The following SERPINA10 variants were observed in gnomAD, a reference collection of about 807,000 sequenced individuals.
SERPINA10 encodes serpin family A member 10, also known as protein Z-dependent protease inhibitor.
Under a neutral mutation model 28.0 loss-of-function variants are expected in SERPINA10, and 24 were observed. The observed-to-expected ratio is 0.86, with a 90% confidence interval of 0.62 to 1.20. The LOEUF (loss-of-function observed/expected upper bound fraction) is 1.20. SERPINA10 is among the 50% of genes most tolerant of loss of function. The pLI, the probability that SERPINA10 is intolerant of heterozygous loss-of-function variation, is 0.00. For synonymous variants in SERPINA10, 207 were observed against 203.9 expected (o/e 1.02, Z -0.13); for missense variants, 521 against 537.7 (o/e 0.97, Z 0.31).
chr14:94,283,973 G>A lies in SERPINA10; in HGVS notation c.1327C>T (p.Leu443Phe), dbSNP rs1424048020. Reference sequence around the variant, plus strand: ...CTTATGCGTGTCCTGAATTATAGGAGAGTCGGATTCACCACCCTGCCCAGA... The same window carrying A: ...CTTATGCGTGTCCTGAATTATAGGAAAGTCGGATTCACCACCCTGCCCAGA... Reference protein sequence around the residue: ...LFLGRVVNPTLL With the variant: ...LFLGRVVNPTFL The change falls in exon 5 of 5, where the codon CTC becomes TTC. Residue 443 changes from leucine to phenylalanine, a missense_variant. By Grantham distance (22) the Leu-to-Phe change is conservative. Transcript: ENST00000261994. The A allele has an allele frequency of 6.2e-7, 1 of 1,614,010 alleles. No individual in the cohort carries two copies. The highest frequency in any genetic ancestry group is 1.7e-5 in the Admixed American group (1 of 60,016).
chr14:94,290,051 T>C lies in SERPINA10; in HGVS notation c.543A>G (p.Leu181=), dbSNP rs374100149. The C allele has an allele frequency of 2.1e-4, 340 of 1,614,102 alleles. No homozygotes were observed. The highest frequency in any genetic ancestry group is 2.7e-4 in the Non-Finnish European group (320 of 1,180,042). Residue 181 remains leucine, a synonymous_variant, in exon 2 of 5, where the codon TTA becomes TTG. Transcript: ENST00000261994. ...ACTCTGTATCAAAATACCTCTTGGA[T>C]AAATTGAAGAAAGTCTCTTTGACAT... ...DFDVKETFFN[L]SKRYFDTECV...
chr14:94,288,243 A>C (rs1440906272), intron 3 of SERPINA10, 43 bp downstream of exon 3: 1 of 1,611,484 alleles, frequency 6.2e-7, no homozygotes, highest in Admixed American at 1.7e-5. Context: ...GTTTGCCAGT[A>C]CAGAAAGGTA....
rs746971041 is a variant in SERPINA10 at position 94,288,536 on chromosome 14, G to A, written c.742C>T (p.Pro248Ser). 99 of 1,613,972 alleles carry A rather than the reference G, an allele frequency of 6.1e-5. No homozygotes were observed. The highest frequency in any genetic ancestry group is 7.7e-5 in the Non-Finnish European group (91 of 1,180,030). ...FKGKWLTPFDPVFTEVDTFHL... is the reference protein window; with the variant it reads ...FKGKWLTPFDSVFTEVDTFHL... ...AAAGTGTCGACTTCGGTGAAGACAG[G>A]GTCAAATGGGGTCAACCATTTCCCT... Residue 248 changes from proline (P) to serine (S), a missense_variant, in exon 3 of 5, where the codon CCT becomes TCT. Transcript: ENST00000261994.
chr14:94,292,533 T>C, intron 1 of SERPINA10: 1 of 697,022 alleles, frequency 1.4e-6, no homozygotes, highest in Non-Finnish European at 2.6e-6. Context: ...TCAAGGTTAC[T>C]TCTCCCTGTA....
intron 4 of SERPINA10, among the ~76,000 whole-genome samples, chr14:94,284,850 A>G (rs1894982515): frequency 6.6e-6 from 1 of 152,254 alleles, no homozygotes; most frequent in Non-Finnish European, 1.5e-5. Flanking sequence ...TTCCTAGAGG[A>G]AAATTAATTC....
chr14:94,284,202 A>G (rs777681758), intron 4 of SERPINA10, 46 bp from the exon 5 acceptor site: 2 of 1,545,018 alleles, frequency 1.3e-6, no homozygotes, highest in South Asian at 2.2e-5. Flanking sequence ...TGGCAGTGCA[A>G]AGGAGGAATT....
In SERPINA10 at chr14:94,289,953, C is replaced by T. The variant is rs145668993; in HGVS notation, c.641G>A (p.Arg214Gln). 4.1e-5 allele frequency: 66 copies of T among 1,614,140 alleles called. No individual in the cohort carries two copies. The highest frequency in any genetic ancestry group is 3.4e-4 in the South Asian group (31 of 91,082). Reference protein sequence around the residue: ...LMNHYINKETRGKIPKLFDEI... With the variant: ...LMNHYINKETQGKIPKLFDEI... Reference sequence around the variant, plus strand: ...ATCAAACAGTTTGGGAATTTTCCCCCGAGTCTCTTTGTTAATGTAATGATT... The same window carrying T: ...ATCAAACAGTTTGGGAATTTTCCCCTGAGTCTCTTTGTTAATGTAATGATT... The change falls in exon 2 of 5, where the codon CGG becomes CAG. Residue 214 changes from arginine (R) to glutamine (Q), a missense_variant. Physicochemically the swap from Arg to Gln is conservative, Grantham distance 43. Transcript: ENST00000261994.
Position 94,282,736 on chromosome 14 carries a change from G to A in SERPINA10, c.*1229C>T, listed in dbSNP as rs974237584. 2.6e-5 allele frequency: 4 copies of A among 152,160 alleles called. No homozygotes were observed. Among genetic ancestry groups the A allele is most frequent in the African/African-American group, 9.7e-5 (4 of 41,428 alleles). 9.4% of individuals were successfully genotyped at this position (152,160 alleles called of 1,614,324 possible). On this transcript the variant is annotated 3_prime_UTR_variant, in exon 5 of 5. Transcript: ENST00000261994. ...GTGTTTTGCTTATTGCCATATGCTA[G>A]ACATATAACTTTGAAGCTAGATATG...
At position 94,288,350 on chromosome 14, in the gene SERPINA10, G is replaced by A; in HGVS notation, c.928C>T (p.Leu310Phe). The change falls in exon 3 of 5, where the codon CTC (leucine) becomes TTC (phenylalanine). Residue 310 changes from leucine (L) to phenylalanine (F), a missense_variant. Physicochemically the swap from Leu to Phe is conservative, Grantham distance 22. Transcript: ENST00000261994. ...VVLMEKMGDH[L>F]ALEDYLTTDL... ...GTGGTCAGGTAGTCTTCAAGGGCGA[G>A]GTGGTCACCCATTTTCTCCATGAGG... is the stretch of plus-strand genomic sequence containing the variant. The A allele has an allele frequency of 6.2e-7, 1 of 1,614,164 alleles. No homozygotes were observed. Among genetic ancestry groups the A allele is most frequent in the Non-Finnish European group, 8.5e-7 (1 of 1,180,036 alleles).
chr14:94,289,004 G>A (rs1205198078), intron 2 of SERPINA10, among the ~76,000 whole-genome samples: 1 of 152,188 alleles, frequency 6.6e-6, no homozygotes, highest in East Asian at 1.9e-4. Context: ...AAGGTGGCAG[G>A]AGTGACACTT....
At chr14:94,289,783 G>A (rs1417493216) in intron 2 of SERPINA10, 93 bp downstream of exon 2, 7 of 1,304,328 alleles carry the variant, frequency 5.4e-6, no homozygotes, top group Admixed American at 1.7e-5. Flanking sequence ...AGAAAATCAC[G>A]TAGCGTTAAT....
In SERPINA10 at chr14:94,290,413, T is replaced by C. The variant is rs941591; in HGVS notation, c.181A>G (p.Ser61Gly). ...ATCAGCCAGGCTTTCTCTTCCTCAC[T>C]GGCCTTCTCCTCGCTGGCCTCCTGC... is the stretch of plus-strand genomic sequence containing the variant. ...DEQEASEEKA[S>G]EEEKAWLMAS... is the part of the protein sequence containing the mutation. Residue 61 changes from serine to glycine, a missense_variant, in exon 2 of 5, where the codon AGT becomes GGT. Ser to Gly is a moderately conservative substitution (Grantham distance 56, BLOSUM62 0). Coordinates refer to ENST00000261994, the MANE Select transcript of SERPINA10 (RefSeq NM_001100607.3). 317,305 of 1,613,816 alleles carry C rather than the reference T, an allele frequency of 0.2. 37,756 individuals carry two copies. The highest frequency in any genetic ancestry group is 0.59 in the East Asian group (26,348 of 44,844).
At chr14:94,291,202 A>G (rs991994652) in intron 1 of SERPINA10, among the ~76,000 whole-genome samples, 17 of 152,306 alleles carry the variant, frequency 1.1e-4, no homozygotes, top group African/African-American at 3.4e-4. Flanking sequence ...CACCTCTGCT[A>G]CACAGTTCCT....
rs774186114 is a variant in SERPINA10, at chr14:94,290,416, C to T, written c.178G>A (p.Ala60Thr). 3 of 1,613,938 alleles carry T rather than the reference C, an allele frequency of 1.9e-6. No individual in the cohort carries two copies. The African/African-American group carries it at 4.0e-5, about 22-fold the overall frequency. ...AGCCAGGCTTTCTCTTCCTCACTGGCCTTCTCCTCGCTGGCCTCCTGCTCA... is the reference window on the plus strand; with the variant it reads ...AGCCAGGCTTTCTCTTCCTCACTGGTCTTCTCCTCGCTGGCCTCCTGCTCA... ...EDEQEASEEK[A>T]SEEEKAWLMA... is the part of the protein sequence containing the mutation. The change falls in exon 2 of 5, where the codon GCC becomes ACC. Residue 60 changes from alanine to threonine, a missense_variant. Transcript: ENST00000261994.
chr14:94,288,056 T>C (rs1895066832), intron 3 of SERPINA10, among the ~76,000 whole-genome samples: 1 of 152,194 alleles, frequency 6.6e-6, no homozygotes, highest in Non-Finnish European at 1.5e-5. Flanking sequence ...CATATATTTA[T>C]CACAGTCGCA....
Position 94,286,112 on chromosome 14 carries a change from G to T in SERPINA10, c.1139C>A (p.Ser380Tyr). The T allele has an allele frequency of 6.2e-7, 1 of 1,614,100 alleles. No homozygotes were observed. Among genetic ancestry groups the T allele is most frequent in the Non-Finnish European group, 8.5e-7 (1 of 1,179,996 alleles). ...LSATGRNLQV[S>Y]RVLQRTVIEV... Reference sequence around the variant, plus strand: ...TGATGAAAGATCCTGACTTACCCTGGATACTTGGAGATTTCTTCCAGTAGC... The same window carrying T: ...TGATGAAAGATCCTGACTTACCCTGTATACTTGGAGATTTCTTCCAGTAGC... The change falls in exon 4 of 5, where the codon TCC (serine) becomes TAC (tyrosine). Residue 380 changes from serine to tyrosine, a missense_variant. By Grantham distance (144) the Ser-to-Tyr change is moderately radical. Coordinates refer to ENST00000261994, the MANE Select transcript of SERPINA10 (RefSeq NM_001100607.3).
chr14:94,283,968 T>C lies in SERPINA10; in HGVS notation c.1332A>G (p.Leu444=), dbSNP rs1894957425. 1 of 1,614,002 alleles carries C rather than the reference T, an allele frequency of 6.2e-7. No individual in the cohort carries two copies. The highest frequency in any genetic ancestry group is 1.3e-5 in the African/African-American group (1 of 75,060). ...FLGRVVNPTL[L] ...AAGTGCTTATGCGTGTCCTGAATTA[T>C]AGGAGAGTCGGATTCACCACCCTGC... The change falls in exon 5 of 5, where the codon CTA becomes CTG. Residue 444 remains leucine, a synonymous_variant. Transcript: ENST00000261994.
Position 94,290,498 on chromosome 14 carries a change from T to G in SERPINA10, c.96A>C (p.Pro32=). ...LAPSPQSPET[P]APQNQTSRVV... Reference sequence around the variant, plus strand: ...CCCTGCTGGTCTGGTTCTGAGGGGCTGGGGTCTCTGGCGACTGAGGACTGG... The same window carrying G: ...CCCTGCTGGTCTGGTTCTGAGGGGCGGGGGTCTCTGGCGACTGAGGACTGG... Residue 32 remains proline (P), a synonymous_variant, in exon 2 of 5, where the codon CCA becomes CCC. Transcript: ENST00000261994. The G allele has an allele frequency of 6.2e-7, 1 of 1,613,512 alleles. No individual in the cohort carries two copies. The highest frequency in any genetic ancestry group is 8.5e-7 in the Non-Finnish European group (1 of 1,179,760).
chr14:94,289,940 G>T lies in SERPINA10; in HGVS notation c.654C>A (p.Pro218=), dbSNP rs762364584. Residue 218 remains proline, a synonymous_variant, in exon 2 of 5, where the codon CCC becomes CCA. Transcript: ENST00000261994. ...YINKETRGKI[P]KLFDEINPET... is the part of the protein sequence containing the mutation. Reference sequence around the variant, plus strand: ...CAGGATTAATCTCATCAAACAGTTTGGGAATTTTCCCCCGAGTCTCTTTGT... The same window carrying T: ...CAGGATTAATCTCATCAAACAGTTTTGGAATTTTCCCCCGAGTCTCTTTGT... The T allele has an allele frequency of 6.2e-6, 10 of 1,614,084 alleles. No individual in the cohort carries two copies. In the South Asian group the frequency reaches 1.1e-4, roughly 18 times the overall value.
Sources: allele counts gnomAD v4.1 joint callset (sites outside exome capture counted in the v4.1 genomes callset), GRCh38; gene constraint gnomAD v4.1.1; transcripts MANE v1.5; gene names NCBI Gene and HGNC (gene_info 2026-07-23, HGNC 2026-07-21).